GRK5: variants seen among roughly 807,000 people sequenced by gnomAD.
The protein encoded by GRK5 is g protein-coupled receptor kinase GRK5.
GRK5 carries 40 observed loss-of-function variants against 78.4 expected under a neutral mutation model. The observed-to-expected ratio is 0.51, with a 90% CI of 0.40 to 0.66. The LOEUF (loss-of-function observed/expected upper bound fraction) is 0.66, where lower values mean the gene tolerates loss of function less well. Ranked by LOEUF, GRK5 falls within the 30% of genes least tolerant of loss-of-function variation. GRK5 has a pLI of 0.00. For missense variants in GRK5, 598 were observed against 759.9 expected (o/e 0.79, Z 2.50); for synonymous variants, 289 against 296.8 (o/e 0.97, Z 0.27).
At chr10:119,338,033 G>A (rs771282815) in intron 2 of GRK5, among the ~76,000 whole-genome samples, 4 of 152,294 alleles carry the variant, frequency 2.6e-5, no homozygotes, top group African/African-American at 4.8e-5. Flanking sequence ...ATAAGGTCAC[G>A]TTCTGAGGTA....
At chr10:119,315,054 C>T (rs1460098297) in intron 1 of GRK5, among the ~76,000 whole-genome samples, 5 of 152,164 alleles carry the variant, frequency 3.3e-5, no homozygotes, top group African/African-American at 1.2e-4. Context: ...TGGGGATCTT[C>T]AAGAAAACTC....
At position 119,457,917 on chromosome 10, in the gene GRK5, T is replaced by C. The variant is rs11198933; in HGVS notation, c.*2850T>C. On this transcript the variant is annotated 3_prime_UTR_variant, in exon 16 of 16. Coordinates refer to ENST00000392870, the MANE Select transcript of GRK5 (RefSeq NM_005308.3). ...CCATGTTGCCCAGGCTGGCCTCGAATTCCTGAGCCCAAGCTATCCTCCTGC... is the reference window on the plus strand; with the variant it reads ...CCATGTTGCCCAGGCTGGCCTCGAACTCCTGAGCCCAAGCTATCCTCCTGC... 18,495 of 150,596 alleles carry C rather than the reference T, an allele frequency of 0.12. 1,250 individuals are homozygous for C. The highest frequency in any genetic ancestry group is 0.29 in the East Asian group (1,498 of 5,116). 9.3% of individuals were successfully genotyped at this position (150,596 alleles called of 1,614,324 possible).
intron 4 of GRK5, among the ~76,000 whole-genome samples, chr10:119,414,654 T>G (rs114706665): frequency 4.6e-4 from 70 of 152,342 alleles, no homozygotes; most frequent in African/African-American, 1.6e-3. Flanking sequence ...AGCAAGTTAC[T>G]TAACTTCTGA....
intron 2 of GRK5, among the ~76,000 whole-genome samples, chr10:119,328,705 G>C (rs1053796638): frequency 2.0e-5 from 3 of 152,222 alleles, no homozygotes; most frequent in Non-Finnish European, 4.4e-5. Context: ...TTGGAGGTGA[G>C]AGCTTACAAC....
chr10:119,419,644 A>G (rs966268671), intron 4 of GRK5, among the ~76,000 whole-genome samples: 3 of 152,206 alleles, frequency 2.0e-5, no homozygotes, highest in African/African-American at 7.2e-5. Context: ...CAGCCAATCC[A>G]AAGTATGAGA....
rs1206288121 is a variant in GRK5 at position 119,431,333 on chromosome 10, C to T, written c.598-54C>T. 8.3e-6 allele frequency: 13 copies of T among 1,570,214 alleles called. No individual in the cohort carries two copies. Among genetic ancestry groups the T allele is most frequent in the East Asian group, 4.5e-5 (2 of 44,162 alleles). ...CTGTGGTCCCCGCCCTGGAGGAGCT[C>T]GGGGCAGGCCTCCACGGTGCTCCTG... On this transcript the variant is annotated intron_variant, in intron 7 of 15. Transcript: ENST00000392870. This position sits in a 1 kb window ranked among gnomAD's most constrained non-coding sequence, Gnocchi z 4.8.
Position 119,431,375 on chromosome 10 carries a change from C to G in GRK5, c.598-12C>G. ...GTGCTCCTGCCACCCTGGTTTCTTT[C>G]TTGCACTGCAGGTCTGTGCCTGCCA... On this transcript the variant is annotated splice_polypyrimidine_tract_variant and intron_variant, in intron 7 of 15. Coordinates refer to ENST00000392870, the MANE Select transcript of GRK5 (RefSeq NM_005308.3). This position sits in a 1 kb window ranked among gnomAD's most constrained non-coding sequence, Gnocchi z 4.8. The G allele has an allele frequency of 1.2e-6, 2 of 1,609,508 alleles. No homozygotes were observed. Among genetic ancestry groups the G allele is most frequent in the Non-Finnish European group, 1.7e-6 (2 of 1,177,702 alleles).
At chr10:119,386,272 A>G (rs1323393192) in intron 3 of GRK5, among the ~76,000 whole-genome samples, 1 of 152,168 alleles carries the variant, frequency 6.6e-6, no homozygotes, top group Non-Finnish European at 1.5e-5. Context: ...GTGGATGGAG[A>G]AGCGTGAGGA....
intron 1 of GRK5, among the ~76,000 whole-genome samples, chr10:119,311,186 G>A (rs546800682): frequency 1.3e-5 from 2 of 152,208 alleles, no homozygotes; most frequent in South Asian, 2.1e-4. Context: ...GTCCTGCCTC[G>A]CCCATCTGTT....
chr10:119,335,033 AATC>A, intron 2 of GRK5: 1 of 151,960 alleles, frequency 6.6e-6, no homozygotes, highest in Non-Finnish European at 1.5e-5. Context: ...GGGGAAAAAA[AATC>A]ATCTTCATAG....
intron 13 of GRK5, among the ~76,000 whole-genome samples, chr10:119,449,377 G>T (rs560508603): frequency 1.3e-5 from 2 of 152,222 alleles, no homozygotes; most frequent in South Asian, 4.1e-4. Flanking sequence ...ACAGAAGGTG[G>T]CTTGGGAAGC....
chr10:119,363,291 A>AAAACAAC (rs1851394928), intron 2 of GRK5, among the ~76,000 whole-genome samples: 1 of 151,932 alleles, frequency 6.6e-6, no homozygotes, highest in Non-Finnish European at 1.5e-5. Context: ...AAAAAAAAAA[A>AAAACAAC]AAACAACAAA....
chr10:119,409,784 C>T (rs753531015), intron 4 of GRK5, among the ~76,000 whole-genome samples: 5 of 151,174 alleles, frequency 3.3e-5, no homozygotes, highest in African/African-American at 4.8e-5. Flanking sequence ...AACATGATTT[C>T]GGATTGAGGA....
chr10:119,277,191 G>A (rs771847123), intron 1 of GRK5, among the ~76,000 whole-genome samples: 4 of 152,162 alleles, frequency 2.6e-5, no homozygotes, highest in Non-Finnish European at 5.9e-5. Context: ...CGCACCTTGT[G>A]TGTCGGGTGC....
intron 4 of GRK5, among the ~76,000 whole-genome samples, chr10:119,416,713 C>G (rs1852461735): frequency 6.6e-6 from 1 of 152,180 alleles, no homozygotes. Flanking sequence ...CGTGCCTCAG[C>G]CTCCTGAGTA....
At chr10:119,208,809 AG>A (rs376756082) in intron 1 of GRK5, among the ~76,000 whole-genome samples, 27 of 151,750 alleles carry the variant, frequency 1.8e-4, no homozygotes, top group African/African-American at 4.6e-4. Flanking sequence ...AACAGAAAAA[AG>A]GGGGGGGAGG....
chr10:119,236,353 C>A (rs966741364), intron 1 of GRK5, among the ~76,000 whole-genome samples: 32 of 151,408 alleles, frequency 2.1e-4, no homozygotes, highest in African/African-American at 6.8e-4. Flanking sequence ...GTAGCTGGGA[C>A]TACAGGCGCC....
chr10:119,277,524 C>T (rs939676547), intron 1 of GRK5, among the ~76,000 whole-genome samples: 1 of 152,290 alleles, frequency 6.6e-6, no homozygotes, highest in East Asian at 1.9e-4. Flanking sequence ...CTTGACTCTC[C>T]AGGCTGGGAC....
intron 1 of GRK5, among the ~76,000 whole-genome samples, chr10:119,276,143 T>C (rs1264798868): frequency 2.0e-5 from 3 of 152,118 alleles, no homozygotes; most frequent in African/African-American, 7.2e-5. Flanking sequence ...ACACTTTAAG[T>C]TTTAGGGTAC....
Sources: gnomAD v4.1 joint callset for allele counts (sites outside exome capture counted in the v4.1 genomes callset) on GRCh38, gnomAD v4.1.1 for gene constraint, Gnocchi (gnomAD v3.1) non-coding constraint, MANE v1.5 for transcripts, NCBI Gene and HGNC (gene_info 2026-07-23, HGNC 2026-07-21) for gene names.